The following MBD5 variants were observed in gnomAD, a reference collection of about 807,000 sequenced individuals.
MBD5 encodes the protein methyl-CpG binding domain protein 5.
MBD5 carries 13 observed loss-of-function variants against 117.3 expected under a neutral mutation model. The observed-to-expected ratio is 0.11, with a 90% CI of 0.07 to 0.18. MBD5 has a LOEUF of 0.18. Ranked by LOEUF, MBD5 falls within the 10% of genes least tolerant of loss-of-function variation. The pLI is 1.00. For missense variants in MBD5, 1,879 were observed against 2,093.8 expected, an observed-to-expected ratio of 0.90 and a Z score of 2.00; for synonymous variants, 727 against 766.4, an observed-to-expected ratio of 0.95 and a Z score of 0.85.
intron 4 of MBD5, among the ~76,000 whole-genome samples, chr2:148,382,050 A>C (rs1016930079): frequency 2.6e-5 from 4 of 152,182 alleles, no homozygotes; most frequent in Non-Finnish European, 4.4e-5. Context: ...ACTGCATCAA[A>C]TAACGAGCGA....
chr2:148,184,408 A>G (rs907677646), intron 2 of MBD5, among the ~76,000 whole-genome samples: 1 of 152,116 alleles, frequency 6.6e-6, no homozygotes, highest in Non-Finnish European at 1.5e-5. Context: ...CTTAGGTTTG[A>G]AGATTTCCTC....
intron 3 of MBD5, among the ~76,000 whole-genome samples, chr2:148,290,381 C>T (rs1250477050): frequency 6.6e-6 from 1 of 151,780 alleles, no homozygotes; most frequent in South Asian, 2.1e-4. Flanking sequence ...AGATTCCTGC[C>T]TTTTAACAGG....
At position 148,171,377 on chromosome 2, in the gene MBD5, G is replaced by A. The variant is rs565630207; in HGVS notation, c.-924-7323G>A. ...ACATTGCCTTAACAGAGTGAAGGAC[G>A]TATGATCATCTGATACGGATGAAGA... On this transcript the variant is annotated intron_variant, in intron 1 of 13. Coordinates refer to ENST00000642680, the MANE Select transcript of MBD5 (RefSeq NM_001378120.1). Among the ~76,000 whole-genome samples the A allele has an allele frequency of 3.9e-5, 6 of 152,144 alleles. No individual in the cohort carries two copies. The South Asian group carries it at 6.2e-4, about 16-fold the overall frequency.
At chr2:148,397,694 C>T (rs973554958) in intron 4 of MBD5, among the ~76,000 whole-genome samples, 1 of 151,992 alleles carries the variant, frequency 6.6e-6, no homozygotes, top group Non-Finnish European at 1.5e-5. Flanking sequence ...GGTACATGTG[C>T]ACAACGTGCA....
intron 3 of MBD5, among the ~76,000 whole-genome samples, chr2:148,324,265 G>C (rs564833742): frequency 9.2e-4 from 140 of 152,310 alleles, no homozygotes; most frequent in African/African-American, 3.3e-3. Flanking sequence ...ATAGTTTGAA[G>C]TCAGGTAGTG....
At chr2:148,187,942 A>C (rs1184530395) in intron 2 of MBD5, among the ~76,000 whole-genome samples, 6 of 152,232 alleles carry the variant, frequency 3.9e-5, no homozygotes, top group Non-Finnish European at 5.9e-5. Context: ...ACACTGAAAA[A>C]TAAAAATGAA....
chr2:148,451,041 G>A (rs1420859413), intron 4 of MBD5, among the ~76,000 whole-genome samples: 2 of 152,160 alleles, frequency 1.3e-5, no homozygotes, highest in East Asian at 1.9e-4. Flanking sequence ...TTCTCAGGTT[G>A]TGAACTTTTA....
rs368583432 is a variant in MBD5 at position 148,154,787 on chromosome 2, G to A, written c.-924-23913G>A. Among the ~76,000 whole-genome samples, 47 of 151,814 alleles carry A rather than the reference G, an allele frequency of 3.1e-4. No individual in the cohort carries two copies. The East Asian group carries it at 9.0e-3, about 29-fold the overall frequency. ...GTGAGGCAATGCCTTGCCCTGCTTC[G>A]GCTCGCGCACGGTGCACACACCCAC... is the stretch of plus-strand genomic sequence containing the variant. On this transcript the variant is annotated intron_variant, in intron 1 of 13. Coordinates refer to ENST00000642680, the MANE Select transcript of MBD5 (RefSeq NM_001378120.1).
chr2:148,386,487 G>A (rs1473508370), intron 4 of MBD5, among the ~76,000 whole-genome samples: 1 of 151,952 alleles, frequency 6.6e-6, no homozygotes, highest in Non-Finnish European at 1.5e-5. Flanking sequence ...GGGAGGCCGA[G>A]GCGGGCGGAT....
chr2:148,286,776 A>G (rs1447028049), intron 3 of MBD5, among the ~76,000 whole-genome samples: 1 of 152,204 alleles, frequency 6.6e-6, no homozygotes, highest in Non-Finnish European at 1.5e-5. Context: ...TCTAAATGAA[A>G]TAGGAACCAA....
Position 148,334,414 on chromosome 2 carries a change from C to T in MBD5, c.-679-7800C>T, listed in dbSNP as rs60029784. Among the ~76,000 whole-genome samples, 1,219 of 151,992 alleles carry T rather than the reference C, an allele frequency of 8.0e-3. 17 individuals carry two copies. Among genetic ancestry groups the T allele is most frequent in the African/African-American group, 0.028 (1,152 of 41,458 alleles). On this transcript the variant is annotated intron_variant, in intron 3 of 13. Coordinates refer to ENST00000642680, the MANE Select transcript of MBD5 (RefSeq NM_001378120.1). ...GTGGTGCTAACATAGCTCATTACAA[C>T]CTGGAACTCTTGGGCTCAAGTGATC...
At chr2:148,328,346 C>T (rs1333684622) in intron 3 of MBD5, among the ~76,000 whole-genome samples, 1 of 152,204 alleles carries the variant, frequency 6.6e-6, no homozygotes, top group African/African-American at 2.4e-5. Flanking sequence ...AGGCAGGCCT[C>T]CTTGAGCTGT....
chr2:148,115,556 C>T (rs140301128), intron 1 of MBD5, among the ~76,000 whole-genome samples: 1 of 151,958 alleles, frequency 6.6e-6, no homozygotes, highest in African/African-American at 2.4e-5. Flanking sequence ...CCTCCTTTAG[C>T]GAATTTTCTA....
chr2:148,170,893 T>G (rs1350943712), intron 1 of MBD5, among the ~76,000 whole-genome samples: 1 of 152,172 alleles, frequency 6.6e-6, no homozygotes, highest in Non-Finnish European at 1.5e-5. Flanking sequence ...TACCTAGAAG[T>G]GGATAAATGC....
chr2:148,324,870 T>G (rs1702399550), intron 3 of MBD5, among the ~76,000 whole-genome samples: 2 of 152,150 alleles, frequency 1.3e-5, no homozygotes, highest in Admixed American at 1.3e-4. Flanking sequence ...TCCAACACTA[T>G]GTTGAATAGG....
chr2:148,199,849 C>T (rs1699093292), intron 2 of MBD5, among the ~76,000 whole-genome samples: 1 of 152,024 alleles, frequency 6.6e-6, no homozygotes. Flanking sequence ...CTATGAGTGT[C>T]TCTCTACAAA....
At chr2:148,358,706 G>A (rs1186833086) in intron 4 of MBD5, among the ~76,000 whole-genome samples, 1 of 151,972 alleles carries the variant, frequency 6.6e-6, no homozygotes, top group Admixed American at 6.6e-5. Flanking sequence ...CGCTTGAGGT[G>A]GGGGTTGGGG....
intron 2 of MBD5, among the ~76,000 whole-genome samples, chr2:148,188,596 T>A (rs1698730410): frequency 6.8e-6 from 1 of 146,532 alleles, no homozygotes; most frequent in South Asian, 2.1e-4. Flanking sequence ...AATGAGAAGA[T>A]AACTTGAGCC....
intron 4 of MBD5, among the ~76,000 whole-genome samples, chr2:148,375,690 TG>T (rs764997075): frequency 2.0e-5 from 3 of 152,144 alleles, no homozygotes; most frequent in Non-Finnish European, 2.9e-5. Flanking sequence ...GTTCAAAATT[TG>T]GGGGCTGTCA....
Sources: allele counts gnomAD v4.1 joint callset (sites outside exome capture counted in the v4.1 genomes callset), GRCh38; gene constraint gnomAD v4.1.1; transcripts MANE v1.5; gene names NCBI Gene and HGNC (gene_info 2026-07-23, HGNC 2026-07-21).